The following CPLANE1 variants were observed in gnomAD, a reference collection of about 807,000 sequenced individuals.
CPLANE1 encodes ciliogenesis and planar polarity effector complex subunit 1.
CPLANE1 carries 263 observed loss-of-function variants against 362.5 expected under a neutral mutation model. The ratio of observed to expected loss-of-function variants is 0.73; its 90% CI spans 0.66 to 0.80. The LOEUF is 0.80. Among genes scored for constraint, CPLANE1 ranks in the 30% least tolerant of loss-of-function variants. CPLANE1 has a pLI of 0.00. For synonymous variants in CPLANE1, 1,212 were observed against 1,302.6 expected, an observed-to-expected ratio of 0.93 and a Z score of 1.50; for missense variants, 3,461 against 3,793.4, an observed-to-expected ratio of 0.91 and a Z score of 2.30.
At chr5:37,136,910 T>G (rs1351153770) in intron 46 of CPLANE1, among the ~76,000 whole-genome samples, 1 of 152,136 alleles carries the variant, frequency 6.6e-6, no homozygotes, top group African/African-American at 2.4e-5. Context: ...AGGAAACCAT[T>G]TTTCCCTCCT....
the CPLANE1 span, among the ~76,000 whole-genome samples, chr5:37,084,788 TTTTTTAA>T: frequency 6.6e-6 from 1 of 151,222 alleles, no homozygotes; most frequent in Admixed American, 6.6e-5. Context: ...AGATATCTTT[TTTTTTAA>T]AAAAAAAAAG....
chr5:37,122,448 A>G lies in CPLANE1; in HGVS notation c.8999T>C (p.Met3000Thr), dbSNP rs148987541. 1.2e-6 allele frequency: 2 copies of G among 1,613,152 alleles called. No individual in the cohort carries two copies. Among genetic ancestry groups the G allele is most frequent in the African/African-American group, 1.3e-5 (1 of 75,000 alleles). The change falls in exon 48 of 53, where the codon ATG becomes ACG. Residue 3000 changes from methionine (M) to threonine (T), a missense_variant. Transcript: ENST00000651892. ...TSREIRLRQK[M>T]KHEKDRLLLS... ...AACTCACCTGTCTTTTTCATGCTTC[A>G]TCTTTTGTCTCAGCCTTATTTCCCT... is the stretch of plus-strand genomic sequence containing the variant.
rs1424521215 is a variant in CPLANE1, at chr5:37,226,370, C to G, written c.2225G>C (p.Trp742Ser). The G allele has an allele frequency of 3.2e-6, 5 of 1,548,240 alleles. No homozygotes were observed. The African/African-American group carries it at 6.9e-5, about 21-fold the overall frequency. The change falls in exon 12 of 53, where the codon TGG (tryptophan) becomes TCG (serine). Residue 742 changes from tryptophan to serine, a missense_variant. By Grantham distance (177) the Trp-to-Ser change is radical (BLOSUM62 -3). Transcript: ENST00000651892. ...MFQDSGFQKN[W>S]SWNSFFKIHP... ...AATCTTGAAAAATGAGTTCCAAGACCAGTTTTTCTGAAAACCACTATCTTG... is the reference window on the plus strand; with the variant it reads ...AATCTTGAAAAATGAGTTCCAAGACGAGTTTTTCTGAAAACCACTATCTTG...
chr5:37,192,241 C>T (rs903238770), intron 21 of CPLANE1, among the ~76,000 whole-genome samples: 25 of 152,174 alleles, frequency 1.6e-4, no homozygotes, highest in Non-Finnish European at 3.2e-4. Context: ...GGCAACACTT[C>T]TTTTTAGAGA....
chr5:37,243,723 A>G (rs1265501784), intron 5 of CPLANE1, among the ~76,000 whole-genome samples: 1 of 147,020 alleles, frequency 6.8e-6, no homozygotes, highest in African/African-American at 2.5e-5. Flanking sequence ...TATAATATAC[A>G]TGTATTATAT....
chr5:37,160,185 C>T (rs953692429), intron 38 of CPLANE1, among the ~76,000 whole-genome samples: 12 of 152,212 alleles, frequency 7.9e-5, no homozygotes, highest in Admixed American at 2.6e-4. Context: ...CTGCCAACTT[C>T]GATAAACTAC....
intron 22 of CPLANE1, 37 bp from the exon 23 acceptor site, chr5:37,187,609 G>A (rs373534983): frequency 6.9e-6 from 11 of 1,585,356 alleles, no homozygotes; most frequent in Non-Finnish European, 9.4e-6. Flanking sequence ...TTCCTTTTTA[G>A]TTTAGATGGT....
At chr5:37,139,518 T>A in intron 44 of CPLANE1, 148 bp from the exon 45 acceptor site, 1 of 1,139,112 alleles carries the variant, frequency 8.8e-7, no homozygotes, top group South Asian at 2.5e-5. Context: ...ACAGCATATT[T>A]ATCCTCTTCC....
At chr5:37,206,506 A>G (rs1220923576) in intron 16 of CPLANE1, 81 bp from the exon 17 acceptor site, 2 of 913,226 alleles carry the variant, frequency 2.2e-6, no homozygotes, top group Non-Finnish European at 3.4e-6. Flanking sequence ...TTATCTCTTC[A>G]ATCAGTATTA....
At chr5:37,124,819 T>A in intron 47 of CPLANE1, 1 of 956,484 alleles carries the variant, frequency 1.0e-6, no homozygotes, top group Non-Finnish European at 1.2e-6. Flanking sequence ...CTCCCAAAGT[T>A]TTCTAAGCAA....
chr5:37,164,018 C>T (rs1777580005), intron 37 of CPLANE1, among the ~76,000 whole-genome samples: 2 of 152,128 alleles, frequency 1.3e-5, no homozygotes, highest in African/African-American at 4.8e-5. Flanking sequence ...GGCATGGAAG[C>T]CCTGTGCTGC....
chr5:37,182,937 T>G lies in CPLANE1; in HGVS notation c.5244A>C (p.Glu1748Asp). ...NTFGSIGRLL[E>D]WMIRWSNRRL... Reference sequence around the variant, plus strand: ...TTCTATTAGACCACCTTATCATCCATTCCAGCAGTCTTCCTATACTGCCAA... The same window carrying G: ...TTCTATTAGACCACCTTATCATCCAGTCCAGCAGTCTTCCTATACTGCCAA... Residue 1748 changes from glutamate (E) to aspartate (D), a missense_variant, in exon 26 of 53, where the codon GAA (glutamate) becomes GAC (aspartate). Physicochemically the swap from Glu to Asp is conservative, Grantham distance 45 (BLOSUM62 2). Around this residue, in one of 2 missense-constraint regions of CPLANE1, gnomAD observed 3,380 missense variants for 3,666.1 expected, o/e 0.92. Transcript: ENST00000651892. The G allele has an allele frequency of 6.2e-7, 1 of 1,605,382 alleles. No individual in the cohort carries two copies. Among genetic ancestry groups the G allele is most frequent in the Non-Finnish European group, 8.5e-7 (1 of 1,176,346 alleles).
At chr5:37,239,262 T>C (rs1057223813) in intron 7 of CPLANE1, among the ~76,000 whole-genome samples, 4 of 152,078 alleles carry the variant, frequency 2.6e-5, no homozygotes, top group Admixed American at 6.6e-5. Flanking sequence ...CAATGTCAAA[T>C]TGGATTAAAC....
At chr5:37,241,462 A>AATAG (rs536306146) in intron 6 of CPLANE1, among the ~76,000 whole-genome samples, 2,331 of 152,082 alleles carry the variant, frequency 0.015, 34 homozygotes, top group Non-Finnish European at 0.014. Context: ...CTCAAAAATA[A>AATAG]ATAGATAGAT....
At chr5:37,239,981 AC>A in intron 6 of CPLANE1, 112 bp from the exon 7 acceptor site, 1 of 646,870 alleles carries the variant, frequency 1.5e-6, no homozygotes. Context: ...GTGCACATGT[AC>A]TTAGGGAATA....
chr5:37,116,488 A>G (rs919181667), intron 50 of CPLANE1, among the ~76,000 whole-genome samples: 10 of 118,264 alleles, frequency 8.5e-5, no homozygotes, highest in African/African-American at 2.1e-4. Context: ...TCTGCCTCAA[A>G]AAAAAAAAAA....
In CPLANE1 at chr5:37,192,580, T is replaced by C. The variant is rs370956055; in HGVS notation, c.3811+3278A>G. ...AATTATGGTTTTAAAAAATACCTCA[T>C]CTGGCCAGGCACGGTGGCTCACACC... On this transcript the variant is annotated intron_variant, in intron 21 of 52. Transcript: ENST00000651892. Among the ~76,000 whole-genome samples the C allele has an allele frequency of 6.6e-5, 10 of 152,154 alleles. No homozygotes were observed. The East Asian group carries it at 1.7e-3, about 27-fold the overall frequency.
At chr5:37,127,465 A>G (rs957885274) in intron 46 of CPLANE1, among the ~76,000 whole-genome samples, 1 of 151,044 alleles carries the variant, frequency 6.6e-6, no homozygotes, top group Non-Finnish European at 1.5e-5. Context: ...GATGTTCTGG[A>G]TGTTCTTCTG....
At chr5:37,192,769 C>T (rs1785957108) in intron 21 of CPLANE1, among the ~76,000 whole-genome samples, 1 of 145,438 alleles carries the variant, frequency 6.9e-6, no homozygotes. Context: ...GAGGCTAAGG[C>T]AGGAGAATGG....
Sources: allele counts gnomAD v4.1 joint callset (sites outside exome capture counted in the v4.1 genomes callset), GRCh38; gene constraint gnomAD v4.1.1; regional missense constraint gnomAD v4.1.1; transcripts MANE v1.5; gene names NCBI Gene and HGNC (gene_info 2026-07-23, HGNC 2026-07-21).